Variants in PARD3 observed in about 807,000 individuals in gnomAD.
PARD3 encodes partitioning defective 3 homolog.
Under a neutral mutation model 155.4 loss-of-function variants are expected in PARD3, and 75 were observed. The observed-to-expected ratio is 0.48, with a 90% CI of 0.40 to 0.58. The LOEUF is 0.58. Among genes scored for constraint, PARD3 ranks in the 20% least tolerant of loss-of-function variants. The pLI, the probability that PARD3 is intolerant of heterozygous loss-of-function variation, is 0.00. For missense variants in PARD3, 1,642 were observed against 1,721.7 expected (o/e 0.95, Z 0.82); for synonymous variants, 576 against 610.5 (o/e 0.94, Z 0.83).
At chr10:34,312,643 C>T (rs957862351) in intron 20 of PARD3, among the ~76,000 whole-genome samples, 4 of 152,100 alleles carry the variant, frequency 2.6e-5, no homozygotes, top group African/African-American at 9.7e-5. Context: ...AACAATGCTT[C>T]GGGGACCCAG....
chr10:34,296,696 C>A (rs1956927459), intron 20 of PARD3, among the ~76,000 whole-genome samples: 1 of 152,268 alleles, frequency 6.6e-6, no homozygotes, highest in South Asian at 2.1e-4. Context: ...GAGTAACAAT[C>A]AGTACATGCT....
intron 1 of PARD3, among the ~76,000 whole-genome samples, chr10:34,741,825 C>G (rs1336259991): frequency 6.6e-6 from 1 of 152,130 alleles, no homozygotes. Context: ...GAAAAATTAA[C>G]AAAAGTTGAT....
intron 3 of PARD3, among the ~76,000 whole-genome samples, chr10:34,516,422 A>C (rs2133620868): frequency 6.6e-6 from 1 of 152,328 alleles, no homozygotes; most frequent in South Asian, 2.1e-4. Flanking sequence ...TCTTCAGGCA[A>C]GTATCCCAGA....
At chr10:34,523,643 G>A (rs2082293266) in intron 2 of PARD3, among the ~76,000 whole-genome samples, 1 of 152,204 alleles carries the variant, frequency 6.6e-6, no homozygotes, top group African/African-American at 2.4e-5. Context: ...ACAGGGAGAT[G>A]TCATGGGCAG....
chr10:34,516,908 G>A, intron 3 of PARD3, 71 bp downstream of exon 3: 2 of 1,401,652 alleles, frequency 1.4e-6, no homozygotes, highest in South Asian at 2.5e-5. Context: ...ACAGGGTCAT[G>A]GATGAATAAC....
chr10:34,787,943 A>G (rs1405003820), intron 1 of PARD3, among the ~76,000 whole-genome samples: 3 of 151,112 alleles, frequency 2.0e-5, no homozygotes, highest in African/African-American at 7.3e-5. Flanking sequence ...CACCATGCCC[A>G]GCTAATTTTT....
At chr10:34,681,889 G>C (rs2093849729) in intron 2 of PARD3, among the ~76,000 whole-genome samples, 1 of 145,444 alleles carries the variant, frequency 6.9e-6, no homozygotes. Flanking sequence ...CCAAAGTGCT[G>C]AGATTATAGG....
At chr10:34,641,994 G>C (rs961407532) in intron 2 of PARD3, among the ~76,000 whole-genome samples, 16 of 152,054 alleles carry the variant, frequency 1.1e-4, no homozygotes, top group Admixed American at 7.2e-4. Context: ...AACACCTAAG[G>C]TCCCAGGGCC....
chr10:34,301,820 T>TTC (rs1371641414), intron 20 of PARD3, among the ~76,000 whole-genome samples: 35 of 120,702 alleles, frequency 2.9e-4, no homozygotes, highest in Admixed American at 1.4e-3. Flanking sequence ...TCTCCTTTCT[T>TTC]TTTTTTTTTT....
intron 1 of PARD3, among the ~76,000 whole-genome samples, chr10:34,706,917 G>A (rs1821669992): frequency 6.6e-6 from 1 of 152,058 alleles, no homozygotes; most frequent in Non-Finnish European, 1.5e-5. Context: ...AGACCAGCCT[G>A]GACAACACAG....
At chr10:34,543,459 T>C (rs1204887239) in intron 2 of PARD3, among the ~76,000 whole-genome samples, 1 of 152,142 alleles carries the variant, frequency 6.6e-6, no homozygotes, top group Non-Finnish European at 1.5e-5. Flanking sequence ...CCATGCATAC[T>C]TCAATAAACC....
intron 19 of PARD3, among the ~76,000 whole-genome samples, chr10:34,325,600 C>T (rs1245838902): frequency 6.6e-6 from 1 of 152,032 alleles, no homozygotes; most frequent in Admixed American, 6.5e-5. Context: ...ATCAAGTGCT[C>T]ATTTATCCAC....
chr10:34,734,835 A>G (rs2094883800), intron 1 of PARD3, among the ~76,000 whole-genome samples: 1 of 152,188 alleles, frequency 6.6e-6, no homozygotes, highest in South Asian at 2.1e-4. Flanking sequence ...TAAGCAAGAC[A>G]CTAGATGTTA....
At chr10:34,344,301 G>C (rs1367634691) in intron 15 of PARD3, 1 of 603,872 alleles carries the variant, frequency 1.7e-6, no homozygotes, top group African/African-American at 3.2e-5. Context: ...TTTTTTTTTG[G>C]ATATGGAGTC....
Position 34,762,409 on chromosome 10 carries a change from TCAGCCTTCCTCCCATCCCA to T in PARD3, c.120+52448_120+52466del, listed in dbSNP as rs1837570548. Among the ~76,000 whole-genome samples, 5 of 150,012 alleles carry T rather than the reference TCAGCCTTCCTCCCATCCCA, an allele frequency of 3.3e-5. 1 individual carries two copies. Among genetic ancestry groups the T allele is most frequent in the African/African-American group, 1.2e-4 (5 of 40,746 alleles). On this transcript the variant is annotated intron_variant, in intron 1 of 24. Transcript: ENST00000374788. ...CCCAGGCTCAGGTGATCCTCCCACC[TCAGCCTTCCTCCCATCCCA>T]GCCTTCAGCTGGGAACACAGACACA...
intron 1 of PARD3, among the ~76,000 whole-genome samples, chr10:34,724,489 A>C (rs1009589304): frequency 2.6e-5 from 4 of 152,208 alleles, no homozygotes; most frequent in Admixed American, 2.0e-4. Context: ...CTAGTAAAAA[A>C]ATTAAGTTAT....
At chr10:34,722,322 C>T (rs1017607837) in intron 1 of PARD3, among the ~76,000 whole-genome samples, 1 of 152,106 alleles carries the variant, frequency 6.6e-6, no homozygotes, top group Admixed American at 6.6e-5. Flanking sequence ...TTGCCCGTCA[C>T]CACACTGTCA....
chr10:34,327,664 A>G (rs540257652), intron 19 of PARD3, among the ~76,000 whole-genome samples: 42 of 152,304 alleles, frequency 2.8e-4, no homozygotes, highest in Non-Finnish European at 4.4e-4. Context: ...GCTTTTCCAC[A>G]ATGGCTCAGT....
chr10:34,286,744 G>C (rs1007876588), intron 20 of PARD3, among the ~76,000 whole-genome samples: 1 of 152,360 alleles, frequency 6.6e-6, no homozygotes, highest in Middle Eastern at 3.4e-3. Context: ...ATTTGGAACA[G>C]AGGAGCAGCA....
Sources: allele counts gnomAD v4.1 joint callset (sites outside exome capture counted in the v4.1 genomes callset), GRCh38; gene constraint gnomAD v4.1.1; transcripts MANE v1.5; gene names NCBI Gene and HGNC (gene_info 2026-07-23, HGNC 2026-07-21).